Variants in GLI1 observed in about 807,000 individuals in gnomAD.
GLI1 encodes the protein transcription activator GLI1.
A neutral mutation model predicts 87.8 loss-of-function variants in GLI1; 51 were observed. The ratio of observed to expected loss-of-function variants is 0.58; its 90% CI spans 0.46 to 0.73. GLI1 has a LOEUF of 0.73. Among genes scored for constraint, GLI1 ranks in the 30% least tolerant of loss-of-function variants. The pLI is 0.00. For synonymous variants in GLI1, 528 were observed against 558.2 expected (o/e 0.95, Z 0.76); for missense variants, 1,292 against 1,437.2 (o/e 0.90, Z 1.63).
At chr12:57,464,143 TGAAAGA>T (rs1252393233) in intron 3 of GLI1, 52 bp downstream of exon 3, 2 of 1,221,144 alleles carry the variant, frequency 1.6e-6, no homozygotes, top group South Asian at 1.2e-5. Flanking sequence ...TGACTTGTTC[TGAAAGA>T]GAAAGTGGGA....
intron 5 of GLI1, 32 bp downstream of exon 5, chr12:57,465,287 C>A: frequency 6.4e-7 from 1 of 1,574,674 alleles, no homozygotes; most frequent in South Asian, 1.2e-5. Context: ...CCTGATTTCC[C>A]TCAGCTCAGG....
intron 9 of GLI1, 45 bp from the exon 10 acceptor site, chr12:57,467,949 C>T (rs1427528867): frequency 2.2e-6 from 3 of 1,375,944 alleles, no homozygotes; most frequent in Non-Finnish European, 3.1e-6. Flanking sequence ...CTGCATTCTT[C>T]CGCTTTGATC....
At chr12:57,465,394 T>C in intron 5 of GLI1, 139 bp downstream of exon 5, 1 of 822,148 alleles carries the variant, frequency 1.2e-6, no homozygotes, top group South Asian at 1.8e-5. Context: ...GGTGCTGGGG[T>C]TCACTCCTTG....
Position 57,459,788 on chromosome 12 carries a change from A to G in GLI1, c.-441A>G. ...CAGCCGGGGCGGGGGGGGGGGCGTA[A>G]GCAGTATAGGGTCCCTCAAGGGAGG... On this transcript the variant is annotated 5_prime_UTR_variant, in exon 1 of 12. Coordinates refer to ENST00000228682, the MANE Select transcript of GLI1 (RefSeq NM_005269.3). 7.3e-6 allele frequency among the ~76,000 whole-genome samples: 1 copy of G among 136,658 alleles called. No homozygotes were observed. Among genetic ancestry groups the G allele is most frequent in the Admixed American group, 7.2e-5 (1 of 13,802 alleles). The allele number at this position is 136,658 out of a possible 152,430, so 89.7% of individuals were successfully genotyped here.
chr12:57,467,017 A>G (rs545789401), intron 8 of GLI1, among the ~76,000 whole-genome samples: 4 of 152,276 alleles, frequency 2.6e-5, no homozygotes, highest in African/African-American at 9.6e-5. Context: ...ACCCTGCATC[A>G]AGGACAACAG....
At position 57,472,254 on chromosome 12, in the gene GLI1, C is replaced by T; in HGVS notation, c.*193C>T. The T allele has an allele frequency of 3.4e-6, 2 of 595,584 alleles. No homozygotes were observed. The highest frequency in any genetic ancestry group is 6.7e-5 in the Admixed American group (2 of 29,842). 36.9% of individuals were successfully genotyped at this position (595,584 alleles called of 1,614,324 possible). On this transcript the variant is annotated 3_prime_UTR_variant, in exon 12 of 12. Transcript: ENST00000228682. ...ACACTGTTTCCTGATAATAAAGGAA[C>T]TGCATCAGAAAAAATACCATGCCAC...
chr12:57,472,043 C>T lies in GLI1; in HGVS notation c.3303C>T (p.Phe1101=), dbSNP rs1264920795. Residue 1101 remains phenylalanine, a synonymous_variant, in exon 12 of 12, where the codon TTC becomes TTT. Transcript: ENST00000228682. ...GATCCCTACCTGGGGAAACAGAATT[C>T]CTCAACTCTAGTGCCTAAAGAGTAG... ...LLRSLPGETE[F]LNSSA The T allele has an allele frequency of 6.7e-7, 1 of 1,499,782 alleles. No individual in the cohort carries two copies. Among genetic ancestry groups the T allele is most frequent in the Non-Finnish European group, 8.9e-7 (1 of 1,123,604 alleles). 92.9% of individuals were successfully genotyped at this position (1,499,782 alleles called of 1,614,324 possible). A position where few individuals can be genotyped will look rare whatever the true frequency, so the allele number is the denominator to read the frequency against.
chr12:57,466,691 C>G (rs1415211651), intron 8 of GLI1, among the ~76,000 whole-genome samples: 1 of 152,052 alleles, frequency 6.6e-6, no homozygotes, highest in Non-Finnish European at 1.5e-5. Flanking sequence ...ATCACAAGGT[C>G]AGGAGTTCGA....
In GLI1 at chr12:57,470,969, T is replaced by C. The variant is rs779147398; in HGVS notation, c.2229T>C (p.Tyr743=). The C allele has an allele frequency of 3.1e-6, 5 of 1,613,670 alleles. No individual in the cohort carries two copies. Among genetic ancestry groups the C allele is most frequent in the Admixed American group, 1.7e-5 (1 of 59,968 alleles). ...GGPEGAAAEP[Y]GARGPGSLPL... ...CTGAAGGGGCAGCAGCTGAGCCTTA[T>C]GGAGCGAGGGGTCCAGGCTCTCTGC... is the stretch of plus-strand genomic sequence containing the variant. The change falls in exon 12 of 12, where the codon TAT becomes TAC. Residue 743 remains tyrosine, a synonymous_variant. Transcript: ENST00000228682.
rs1442415390 is a variant in GLI1, at chr12:57,471,718, C to T, written c.2978C>T (p.Pro993Leu). The T allele has an allele frequency of 6.3e-7, 1 of 1,581,370 alleles. No homozygotes were observed. The highest frequency in any genetic ancestry group is 1.3e-5 in the African/African-American group (1 of 74,150). ...HRAAAPPRLL[P>L]PLPTCYGPLK... ...GCAGCAGCACCACCTCGACTTCTGC[C>T]CCCATTGCCCACTTGCTATGGGCCT... The change falls in exon 12 of 12, where the codon CCC (proline) becomes CTC (leucine). Residue 993 changes from proline (P) to leucine (L), a missense_variant. Around this residue, in one of 3 missense-constraint regions of GLI1, gnomAD observed 897 missense variants for 1,040.7 expected, o/e 0.86. Transcript: ENST00000228682. The surrounding 1 kb of genome is among the most constrained non-coding windows in gnomAD (Gnocchi z 4.9).
At position 57,470,995 on chromosome 12, in the gene GLI1, C is replaced by T. The variant is rs868283139; in HGVS notation, c.2255C>T (p.Pro752Leu). The T allele has an allele frequency of 3.7e-6, 6 of 1,611,428 alleles. No individual in the cohort carries two copies. In the African/African-American group the frequency reaches 4.0e-5, roughly 11 times the overall value. The change falls in exon 12 of 12, where the codon CCT becomes CTT. Residue 752 changes from proline (P) to leucine (L), a missense_variant. Physicochemically the swap from Pro to Leu is moderately conservative, Grantham distance 98 (BLOSUM62 -3). This residue lies in a region of GLI1 where 897 missense variants were observed against 1,040.7 expected (regional missense o/e 0.86). Coordinates refer to ENST00000228682, the MANE Select transcript of GLI1 (RefSeq NM_005269.3). ...GGAGCGAGGGGTCCAGGCTCTCTGCCTCTTGGGCCTGGTCCACCCACCAAC... is the reference window on the plus strand; with the variant it reads ...GGAGCGAGGGGTCCAGGCTCTCTGCTTCTTGGGCCTGGTCCACCCACCAAC... ...PYGARGPGSL[P>L]LGPGPPTNYG...
In GLI1 at chr12:57,471,951, T is replaced by C; in HGVS notation, c.3211T>C (p.Ser1071Pro). The C allele has an allele frequency of 6.2e-7, 1 of 1,610,718 alleles. No homozygotes were observed. Among genetic ancestry groups the C allele is most frequent in the Non-Finnish European group, 8.5e-7 (1 of 1,178,378 alleles). The stretch of plus-strand genomic sequence containing the variant: ...TCCTTCCCATGATCAGCGGGGCAGC[T>C]CTGGACATACCCCACCTCCCTCTGG... ...PPPSHDQRGSSGHTPPPSGPP... is the reference protein window; with the variant it reads ...PPPSHDQRGSPGHTPPPSGPP... The change falls in exon 12 of 12, where the codon TCT becomes CCT. Residue 1071 changes from serine (S) to proline (P), a missense_variant. By Grantham distance (74) the Ser-to-Pro change is moderately conservative. Around this residue, in one of 3 missense-constraint regions of GLI1, gnomAD observed 897 missense variants for 1,040.7 expected, o/e 0.86. Transcript: ENST00000228682. The surrounding 1 kb of genome is among the most constrained non-coding windows in gnomAD (Gnocchi z 4.9).
Position 57,470,862 on chromosome 12 carries a change from G to C in GLI1, c.2122G>C (p.Glu708Gln). ...MDARGLQEEP[E>Q]VGTSMVGSGL... ...TGCTAGAGGGCTACAGGAAGAGCCA[G>C]AAGTTGGGACCTCCATGGTGGGCAG... Residue 708 changes from glutamate (E) to glutamine (Q), a missense_variant, in exon 12 of 12, where the codon GAA (glutamate) becomes CAA (glutamine). By Grantham distance (29) the Glu-to-Gln change is conservative. This residue lies in a region of GLI1 where 897 missense variants were observed against 1,040.7 expected (regional missense o/e 0.86). Coordinates refer to ENST00000228682, the MANE Select transcript of GLI1 (RefSeq NM_005269.3). The C allele has an allele frequency of 1.2e-6, 2 of 1,610,620 alleles. No homozygotes were observed. Among genetic ancestry groups the C allele is most frequent in the South Asian group, 2.2e-5 (2 of 90,672 alleles).
rs1871440975 is a variant in GLI1, at chr12:57,465,814, G to A, written c.651G>A (p.Gly217=). Residue 217 remains glycine (G), a synonymous_variant, in exon 7 of 12, where the codon GGG becomes GGA. Transcript: ENST00000228682. ...IQDPLLGMLD[G]REDLEREEKR... ...ATCCCCTGTTGGGGATGCTGGATGG[G>A]CGGGAGGACCTCGAGAGAGAGGAGA... 6.2e-7 allele frequency: 1 copy of A among 1,614,238 alleles called. No individual in the cohort carries two copies. Among genetic ancestry groups the A allele is most frequent in the South Asian group, 1.1e-5 (1 of 91,090 alleles).
rs550467434 is a variant in GLI1, at chr12:57,467,517, G to A, written c.1077+20G>A. On this transcript the variant is annotated intron_variant, in intron 9 of 11. Transcript: ENST00000228682. ...AATGAGGTGAATGCCCTAACTAAGCGACCCTCCCCTCTTGAGAAGCCACCT... is the reference window on the plus strand; with the variant it reads ...AATGAGGTGAATGCCCTAACTAAGCAACCCTCCCCTCTTGAGAAGCCACCT... 20 of 1,572,956 alleles carry A rather than the reference G, an allele frequency of 1.3e-5. No homozygotes were observed. In the African/African-American group the frequency reaches 1.9e-4, roughly 15 times the overall value.
In GLI1 at chr12:57,470,351, C is replaced by A. The variant is rs1410893989; in HGVS notation, c.1611C>A (p.Val537=). Residue 537 remains valine (V), a synonymous_variant, in exon 12 of 12, where the codon GTC becomes GTA. Transcript: ENST00000228682. ...TGTCCCGCCGCGTGGGCCCCCCAGTCTCTCTTGAACGCCGCAGCAGCAGCT... is the reference window on the plus strand; with the variant it reads ...TGTCCCGCCGCGTGGGCCCCCCAGTATCTCTTGAACGCCGCAGCAGCAGCT... ...TTVSRRVGPP[V]SLERRSSSSS... 4 of 1,591,610 alleles carry A rather than the reference C, an allele frequency of 2.5e-6. No homozygotes were observed. The Admixed American group carries it at 7.0e-5, about 28-fold the overall frequency.
Position 57,470,338 on chromosome 12 carries a change from T to TG in GLI1, c.1601dup (p.Val537SerfsTer4), listed in dbSNP as rs1871788738. 5 of 1,576,272 alleles carry TG rather than the reference T, an allele frequency of 3.2e-6. No individual in the cohort carries two copies. The highest frequency in any genetic ancestry group is 4.3e-6 in the Non-Finnish European group (5 of 1,160,580). On this transcript the variant is annotated frameshift_variant, in exon 12 of 12. Coordinates refer to ENST00000228682, the MANE Select transcript of GLI1 (RefSeq NM_005269.3). LOFTEE classifies it high-confidence loss of function. Reference sequence around the variant, plus strand: ...GCAGGTACCACTGTGTCCCGCCGCGTGGGCCCCCCAGTCTCTCTTGAACGC... The same window carrying TG: ...GCAGGTACCACTGTGTCCCGCCGCGTGGGGCCCCCCAGTCTCTCTTGAACGC...
Position 57,467,325 on chromosome 12 carries a change from TC to T in GLI1, c.913-3del, listed in dbSNP as rs752503341. On this transcript the variant is annotated splice_polypyrimidine_tract_variant and splice_region_variant and intron_variant, in intron 8 of 11. Coordinates refer to ENST00000228682, the MANE Select transcript of GLI1 (RefSeq NM_005269.3). ...AGAACTATCCTTTGACCCCTGCATG[TC>T]CCCCAGTTTGAAGGGTGCCGGAAGT... 5 of 1,598,768 alleles carry T rather than the reference TC, an allele frequency of 3.1e-6. No individual in the cohort carries two copies. Among genetic ancestry groups the T allele is most frequent in the Non-Finnish European group, 4.3e-6 (5 of 1,168,626 alleles).
In GLI1 at chr12:57,465,809, G is replaced by T. The variant is rs145720544; in HGVS notation, c.646G>T (p.Asp216Tyr). ...GIQDPLLGML[D>Y]GREDLEREEK... ...CTAGGATCCCCTGTTGGGGATGCTGGATGGGCGGGAGGACCTCGAGAGAGA... is the reference window on the plus strand; with the variant it reads ...CTAGGATCCCCTGTTGGGGATGCTGTATGGGCGGGAGGACCTCGAGAGAGA... The change falls in exon 7 of 12, where the codon GAT becomes TAT. Residue 216 changes from aspartate to tyrosine, a missense_variant. By Grantham distance (160) the Asp-to-Tyr change is radical. Coordinates refer to ENST00000228682, the MANE Select transcript of GLI1 (RefSeq NM_005269.3). The T allele has an allele frequency of 6.2e-6, 10 of 1,614,128 alleles. No homozygotes were observed. Among genetic ancestry groups the T allele is most frequent in the Non-Finnish European group, 8.5e-6 (10 of 1,180,038 alleles).
Sources: allele counts gnomAD v4.1 joint callset (sites outside exome capture counted in the v4.1 genomes callset), GRCh38; gene constraint gnomAD v4.1.1; regional missense constraint gnomAD v4.1.1; non-coding constraint Gnocchi (gnomAD v3.1); transcripts MANE v1.5; gene names NCBI Gene and HGNC (gene_info 2026-07-23, HGNC 2026-07-21).